Variants in CLSTN1 observed in about 807,000 individuals in gnomAD.
CLSTN1 encodes the protein calsyntenin-1.
CLSTN1 carries 28 observed loss-of-function variants against 108.3 expected under a neutral mutation model. The ratio of observed to expected loss-of-function variants is 0.26; its 90% CI spans 0.19 to 0.35. The LOEUF (loss-of-function observed/expected upper bound fraction) is 0.35. CLSTN1 is among the 10% of genes least tolerant of loss of function. The pLI is 1.00. For synonymous variants in CLSTN1, 524 were observed against 534.9 expected (o/e 0.98, Z 0.28); for missense variants, 1,157 against 1,302.6 (o/e 0.89, Z 1.72).
At chr1:9,764,932 C>T (rs2101136706) in intron 2 of CLSTN1, among the ~76,000 whole-genome samples, 1 of 152,276 alleles carries the variant, frequency 6.6e-6, no homozygotes, top group Admixed American at 6.5e-5. Context: ...TGGGTGGTGT[C>T]TACATCCAAA....
intron 1 of CLSTN1, among the ~76,000 whole-genome samples, chr1:9,778,971 C>T (rs1276023792): frequency 6.7e-6 from 1 of 150,314 alleles, no homozygotes; most frequent in Non-Finnish European, 1.5e-5. Context: ...TGCAGTGTGC[C>T]AAGACCGTGC....
Position 9,823,753 on chromosome 1 carries a change from C to T in CLSTN1, c.-20G>A. ...CAGCATCGCCAGCCCGGGGCGGGAGCGGCAGGGAGGCGCGCGGGACGCCGA... is the reference window on the plus strand; with the variant it reads ...CAGCATCGCCAGCCCGGGGCGGGAGTGGCAGGGAGGCGCGCGGGACGCCGA... On this transcript the variant is annotated 5_prime_UTR_variant, in exon 1 of 19. Transcript: ENST00000377298. This position sits in a 1 kb window ranked among gnomAD's most constrained non-coding sequence, Gnocchi z 6.3. 1 of 1,028,840 alleles carries T rather than the reference C, an allele frequency of 9.7e-7. No homozygotes were observed. The highest frequency in any genetic ancestry group is 1.2e-6 in the Non-Finnish European group (1 of 858,020). 63.7% of individuals were successfully genotyped at this position (1,028,840 alleles called of 1,614,324 possible).
intron 4 of CLSTN1, among the ~76,000 whole-genome samples, chr1:9,753,845 T>C (rs570052563): frequency 2.0e-5 from 3 of 151,544 alleles, no homozygotes; most frequent in Non-Finnish European, 2.9e-5. Flanking sequence ...CAGGGTCTCA[T>C]TCTGACACTC....
At chr1:9,792,783 T>C (rs1653825338) in intron 1 of CLSTN1, among the ~76,000 whole-genome samples, 1 of 151,192 alleles carries the variant, frequency 6.6e-6, no homozygotes, top group Non-Finnish European at 1.5e-5. Flanking sequence ...GGTGGATGGG[T>C]GCAGGGGTGG....
At chr1:9,770,243 A>T (rs1248412946) in intron 2 of CLSTN1, among the ~76,000 whole-genome samples, 1 of 152,230 alleles carries the variant, frequency 6.6e-6, no homozygotes, top group Non-Finnish European at 1.5e-5. Context: ...ACATATCACA[A>T]CATATAATTT....
intron 1 of CLSTN1, among the ~76,000 whole-genome samples, chr1:9,815,305 G>A (rs1654926955): frequency 6.6e-6 from 1 of 152,188 alleles, no homozygotes; most frequent in Admixed American, 6.5e-5. Flanking sequence ...TCAAACAGAG[G>A]CTGAATGATC....
intron 1 of CLSTN1, among the ~76,000 whole-genome samples, chr1:9,788,150 G>C (rs549094222): frequency 3.3e-5 from 5 of 151,514 alleles, no homozygotes; most frequent in Non-Finnish European, 7.3e-5. Context: ...CGCCTACTTG[G>C]GAGGGTGAGG....
intron 2 of CLSTN1, among the ~76,000 whole-genome samples, chr1:9,764,614 G>C (rs928413441): frequency 6.8e-6 from 1 of 147,954 alleles, no homozygotes; most frequent in Non-Finnish European, 1.5e-5. Context: ...TCCAGCCTGG[G>C]TGATGAAGTG....
chr1:9,760,648 T>C (rs1557702357), intron 2 of CLSTN1, among the ~76,000 whole-genome samples: 1 of 150,256 alleles, frequency 6.7e-6, no homozygotes, highest in Non-Finnish European at 1.5e-5. Context: ...GCCTCCCGAG[T>C]AGCTCAGACC....
chr1:9,802,530 T>G (rs1312958191), intron 1 of CLSTN1, among the ~76,000 whole-genome samples: 1 of 152,218 alleles, frequency 6.6e-6, no homozygotes, highest in Non-Finnish European at 1.5e-5. Flanking sequence ...TCCACTCTAA[T>G]TTTATAATCT....
At chr1:9,819,906 G>A (rs1655128606) in intron 1 of CLSTN1, among the ~76,000 whole-genome samples, 1 of 152,102 alleles carries the variant, frequency 6.6e-6, no homozygotes, top group Non-Finnish European at 1.5e-5. Flanking sequence ...CAAAAAAGCT[G>A]AAAATTATAG....
Position 9,729,519 on chromosome 1 carries a change from G to A in CLSTN1, c.*989C>T, listed in dbSNP as rs41280774. 5,328 of 151,442 alleles carry A rather than the reference G, an allele frequency of 0.035. 178 individuals carry two copies. The highest frequency in any genetic ancestry group is 0.15 in the South Asian group (712 of 4,832). 9.4% of individuals were successfully genotyped at this position (151,442 alleles called of 1,614,324 possible). A position where few individuals can be genotyped will look rare whatever the true frequency, so the allele number is the denominator to read the frequency against. On this transcript the variant is annotated 3_prime_UTR_variant, in exon 19 of 19. Coordinates refer to ENST00000377298, the MANE Select transcript of CLSTN1 (RefSeq NM_001009566.3). ...CGTCTCTCCTGGACGTTCTGAGTAC[G>A]GATCGCTCAGGCCTCCTGCCGTCTC...
chr1:9,744,442 G>A lies in CLSTN1; in HGVS notation c.1187C>T (p.Pro396Leu). 6.2e-7 allele frequency: 1 copy of A among 1,610,426 alleles called. No homozygotes were observed. Among genetic ancestry groups the A allele is most frequent in the African/African-American group, 1.3e-5 (1 of 74,950 alleles). Reference protein sequence around the residue: ...FTISVWMRHGPFGRKKETILC... With the variant: ...FTISVWMRHGLFGRKKETILC... ...AATTGTCTCCTTCTTCCTGCCGAATGGCCCATGTCTCATCCACACCGAGAT... is the reference window on the plus strand; with the variant it reads ...AATTGTCTCCTTCTTCCTGCCGAATAGCCCATGTCTCATCCACACCGAGAT... Residue 396 changes from proline to leucine, a missense_variant, in exon 8 of 19, where the codon CCA (proline) becomes CTA (leucine). By Grantham distance (98) the Pro-to-Leu change is moderately conservative. Transcript: ENST00000377298.
chr1:9,753,077 G>A lies in CLSTN1; in HGVS notation c.441-1396C>T, dbSNP rs116174375. 6.8e-3 allele frequency among the ~76,000 whole-genome samples: 1,038 copies of A among 152,158 alleles called. 8 individuals are homozygous for A. The highest frequency in any genetic ancestry group is 0.02 in the Middle Eastern group (6 of 294). On this transcript the variant is annotated intron_variant, in intron 4 of 18. Coordinates refer to ENST00000377298, the MANE Select transcript of CLSTN1 (RefSeq NM_001009566.3). ...GGCACCAAGGACTGATTTCATGGAA[G>A]GCAATTTCTCCACAGATGGGGGTGG...
At chr1:9,780,181 T>C (rs774572677) in intron 1 of CLSTN1, among the ~76,000 whole-genome samples, 1 of 152,086 alleles carries the variant, frequency 6.6e-6, no homozygotes, top group Admixed American at 6.6e-5. Flanking sequence ...AAAGCAAAAA[T>C]TGCTAGTTCA....
In CLSTN1 at chr1:9,743,941, C is replaced by T; in HGVS notation, c.1299G>A (p.Gln433=). Residue 433 remains glutamine, a synonymous_variant, in exon 9 of 19, where the codon CAG becomes CAA. Transcript: ENST00000377298. Reference sequence around the variant, plus strand: ...TGTATTTCTTCTCCTCAGAAGGATCCTGACGGAAGAGGAAGATCAGCCGGC... The same window carrying T: ...TGTATTTCTTCTCCTCAGAAGGATCTTGACGGAAGAGGAAGATCAGCCGGC... The part of the protein sequence containing the change: ...HGCRLIFLFR[Q]DPSEEKKYRP... The T allele has an allele frequency of 6.2e-7, 1 of 1,614,156 alleles. No homozygotes were observed. The highest frequency in any genetic ancestry group is 8.5e-7 in the Non-Finnish European group (1 of 1,180,020).
chr1:9,748,418 T>A (rs1416752130), intron 7 of CLSTN1, among the ~76,000 whole-genome samples: 1 of 152,248 alleles, frequency 6.6e-6, no homozygotes, highest in African/African-American at 2.4e-5. Flanking sequence ...AGATTCTAAG[T>A]TAGATGTGGC....
At chr1:9,796,299 A>C (rs949701933) in intron 1 of CLSTN1, among the ~76,000 whole-genome samples, 6 of 148,964 alleles carry the variant, frequency 4.0e-5, no homozygotes, top group East Asian at 2.0e-4. Context: ...ACAAAACAAA[A>C]AAAAAAAAAC....
chr1:9,815,575 C>T (rs946277), intron 1 of CLSTN1, among the ~76,000 whole-genome samples: 135,516 of 152,254 alleles, frequency 0.89, 60,572 homozygotes, highest in East Asian at 0.95. Context: ...CTGTGAGTGA[C>T]TATGGAGGTC....
Sources: gnomAD v4.1 joint callset for allele counts (sites outside exome capture counted in the v4.1 genomes callset) on GRCh38, gnomAD v4.1.1 for gene constraint, Gnocchi (gnomAD v3.1) non-coding constraint, MANE v1.5 for transcripts, NCBI Gene and HGNC (gene_info 2026-07-23, HGNC 2026-07-21) for gene names.